The following CFAP43 variants were observed in gnomAD, a reference collection of about 807,000 sequenced individuals.
CFAP43 encodes the protein cilia- and flagella-associated protein 43.
Under a neutral mutation model 218.9 loss-of-function variants are expected in CFAP43, and 155 were observed. That is an observed-to-expected ratio of 0.71 (90% CI 0.62 to 0.81). CFAP43 has a LOEUF of 0.81. Ranked by LOEUF, CFAP43 falls within the 30% of genes least tolerant of loss-of-function variation. The pLI, the probability that CFAP43 is intolerant of heterozygous loss-of-function variation, is 0.00. For missense variants in CFAP43, 1,778 were observed against 1,954.3 expected, an observed-to-expected ratio of 0.91 and a Z score of 1.70; for synonymous variants, 645 against 681.3, an observed-to-expected ratio of 0.95 and a Z score of 0.83.
intron 5 of CFAP43, among the ~76,000 whole-genome samples, chr10:104,208,323 A>G (rs1440422778): frequency 2.0e-5 from 3 of 152,210 alleles, no homozygotes; most frequent in Non-Finnish European, 2.9e-5. Flanking sequence ...CAACAACAAA[A>G]CACCATGTCT....
chr10:104,164,237 C>A lies in CFAP43; in HGVS notation c.3103G>T (p.Glu1035Ter). The part of the protein sequence containing the change: ...NEFDAAYKQK[E>*]FEIARVKERN... The stretch of plus-strand genomic sequence containing the variant: ...TCCTTCACGCGTGCAATTTCAAACT[C>A]TTTTTGTTTATATGCAGCGTCAAAC... Residue 1035 changes from glutamate to a stop codon, truncating the protein, a stop_gained, in exon 24 of 38, where the codon GAG becomes TAG. Coordinates refer to ENST00000357060, the MANE Select transcript of CFAP43 (RefSeq NM_025145.7). LOFTEE classifies it high-confidence loss of function. 6.2e-7 allele frequency: 1 copy of A among 1,613,644 alleles called. No homozygotes were observed. Among genetic ancestry groups the A allele is most frequent in the East Asian group, 2.2e-5 (1 of 44,874 alleles).
chr10:104,149,511 A>C (rs970793405), intron 28 of CFAP43, among the ~76,000 whole-genome samples: 1 of 152,224 alleles, frequency 6.6e-6, no homozygotes, highest in African/African-American at 2.4e-5. Flanking sequence ...TTAGATAATG[A>C]ATTTGTTTTC....
chr10:104,220,568 T>C (rs2091148622), intron 3 of CFAP43, among the ~76,000 whole-genome samples: 1 of 148,990 alleles, frequency 6.7e-6, no homozygotes, highest in African/African-American at 2.5e-5. Context: ...GGCAAGTAGC[T>C]ATAAGAACAA....
At chr10:104,199,235 CT>C (rs1589761749) in intron 8 of CFAP43, among the ~76,000 whole-genome samples, 2 of 152,164 alleles carry the variant, frequency 1.3e-5, no homozygotes, top group African/African-American at 4.8e-5. Context: ...ATGAATGCAT[CT>C]CTACCAAGTA....
chr10:104,206,348 G>C (rs893233210), intron 6 of CFAP43, among the ~76,000 whole-genome samples: 2 of 152,188 alleles, frequency 1.3e-5, no homozygotes, highest in African/African-American at 4.8e-5. Context: ...ACTTGCTGGA[G>C]GGGGTGGTAT....
At chr10:104,143,750 G>A in intron 31 of CFAP43, 111 bp from the exon 32 acceptor site, 2 of 1,018,748 alleles carry the variant, frequency 2.0e-6, no homozygotes, top group Non-Finnish European at 2.9e-6. Flanking sequence ...TCTTCCCTTT[G>A]CCATGTGATG....
At chr10:104,185,942 C>T (rs2090013712) in intron 15 of CFAP43, 32 bp downstream of exon 15, 1 of 1,596,126 alleles carries the variant, frequency 6.3e-7, no homozygotes, top group Non-Finnish European at 8.5e-7. Flanking sequence ...ATATATACAC[C>T]CACAATATTT....
intron 25 of CFAP43, 123 bp downstream of exon 25, chr10:104,162,194 C>A: frequency 8.2e-7 from 1 of 1,218,988 alleles, no homozygotes; most frequent in Non-Finnish European, 1.2e-6. Context: ...GAAAGGAGGC[C>A]AACTGAGATT....
chr10:104,181,028 C>A (rs143491189), intron 17 of CFAP43, among the ~76,000 whole-genome samples: 4 of 152,280 alleles, frequency 2.6e-5, no homozygotes, highest in Non-Finnish European at 5.9e-5. Flanking sequence ...CTGACCTCTC[C>A]CCAGAACCCA....
At chr10:104,229,152 G>A (rs934275223) in intron 2 of CFAP43, among the ~76,000 whole-genome samples, 4 of 152,142 alleles carry the variant, frequency 2.6e-5, no homozygotes, top group Non-Finnish European at 5.9e-5. Flanking sequence ...AAACTGTTGA[G>A]AATGCAAATT....
intron 25 of CFAP43, 84 bp from the exon 26 acceptor site, chr10:104,162,125 C>T: frequency 1.4e-6 from 2 of 1,409,028 alleles, no homozygotes; most frequent in East Asian, 2.3e-5. Context: ...TCCCACCCAA[C>T]ATTAGAATGA....
At chr10:104,150,301 C>T (rs1297926303) in intron 28 of CFAP43, among the ~76,000 whole-genome samples, 2 of 152,164 alleles carry the variant, frequency 1.3e-5, no homozygotes, top group Non-Finnish European at 2.9e-5. Context: ...CATCCACTCC[C>T]TGCCAGGCCA....
chr10:104,195,440 C>G (rs2090356379), intron 10 of CFAP43, among the ~76,000 whole-genome samples: 1 of 152,134 alleles, frequency 6.6e-6, no homozygotes, highest in East Asian at 1.9e-4. Context: ...ACATATAACC[C>G]TTGGTCACAT....
At chr10:104,171,412 A>T (rs2089406708) in intron 20 of CFAP43, among the ~76,000 whole-genome samples, 1 of 152,108 alleles carries the variant, frequency 6.6e-6, no homozygotes, top group Non-Finnish European at 1.5e-5. Flanking sequence ...AAATCTCCTC[A>T]TTTCTATATC....
chr10:104,185,270 T>C (rs966968697), intron 15 of CFAP43, 124 bp from the exon 16 acceptor site: 4 of 1,307,260 alleles, frequency 3.1e-6, no homozygotes, highest in African/African-American at 3.0e-5. Flanking sequence ...AGCATTTTAA[T>C]TGGTATGGAA....
In CFAP43 at chr10:104,187,369, C is replaced by A; in HGVS notation, c.1811G>T (p.Gly604Val). ...GATGTATGGCACTTGACTACAGAAG[C>A]CATATATTTGGTTACTTTGAAAGCC... ...VLGFQSNQIY[G>V]FCSQVPYICS... The change falls in exon 14 of 38, where the codon GGC becomes GTC. Residue 604 changes from glycine to valine, a missense_variant. By Grantham distance (109) the Gly-to-Val change is moderately radical. This residue lies in a region of CFAP43 where 1,553 missense variants were observed against 1,685.2 expected (regional missense o/e 0.92). Transcript: ENST00000357060. 6.2e-7 allele frequency: 1 copy of A among 1,611,266 alleles called. No individual in the cohort carries two copies. Among genetic ancestry groups the A allele is most frequent in the South Asian group, 1.1e-5 (1 of 90,446 alleles).
At position 104,221,927 on chromosome 10, in the gene CFAP43, A is replaced by C. The variant is rs551551282; in HGVS notation, c.416+3534T>G. On this transcript the variant is annotated intron_variant, in intron 3 of 37. Transcript: ENST00000357060. The stretch of plus-strand genomic sequence containing the variant: ...TGGTGGTATTGCTGGTGTATAGCAC[A>C]TTGTCTTTGCTTATGAACCCCAGAT... 1.2e-4 allele frequency among the ~76,000 whole-genome samples: 18 copies of C among 152,208 alleles called. No individual in the cohort carries two copies. In the East Asian group the frequency reaches 3.3e-3, roughly 28 times the overall value.
intron 3 of CFAP43, among the ~76,000 whole-genome samples, chr10:104,223,455 T>C (rs1237080800): frequency 6.6e-6 from 1 of 152,246 alleles, no homozygotes; most frequent in Non-Finnish European, 1.5e-5. Flanking sequence ...GATGTACCCA[T>C]TTTACAGAGG....
chr10:104,159,880 C>A lies in CFAP43; in HGVS notation c.3540+1157G>T, dbSNP rs570807264. On this transcript the variant is annotated intron_variant, in intron 27 of 37. Coordinates refer to ENST00000357060, the MANE Select transcript of CFAP43 (RefSeq NM_025145.7). ...CACAGAGAAACAATGAAATCAGAAC[C>A]TGCATTTTTAACAAATCCCCCAGGT... is the stretch of plus-strand genomic sequence containing the variant. 2.7e-4 allele frequency among the ~76,000 whole-genome samples: 41 copies of A among 152,208 alleles called. 1 individual carries two copies. The South Asian group carries it at 8.3e-3, about 31-fold the overall frequency.
Sources: allele counts gnomAD v4.1 joint callset (sites outside exome capture counted in the v4.1 genomes callset), GRCh38; gene constraint gnomAD v4.1.1; regional missense constraint gnomAD v4.1.1; transcripts MANE v1.5; gene names NCBI Gene and HGNC (gene_info 2026-07-23, HGNC 2026-07-21).